ADAMTS2: variants seen among roughly 807,000 people sequenced by gnomAD.
ADAMTS2 encodes A disintegrin and metalloproteinase with thrombospondin motifs 2.
ADAMTS2 carries 50 observed loss-of-function variants against 123.0 expected under a neutral mutation model. The observed-to-expected ratio is 0.41, with a 90% confidence interval of 0.32 to 0.51. The LOEUF is 0.51. ADAMTS2 is among the 20% of genes least tolerant of loss of function. The probability of loss-of-function intolerance (pLI) is 0.35; values close to 1 mark genes in which losing one functional copy is unlikely to be tolerated. For missense variants in ADAMTS2, 1,494 were observed against 1,705.2 expected, an observed-to-expected ratio of 0.88 and a Z score of 2.18; for synonymous variants, 678 against 695.4, an observed-to-expected ratio of 0.98 and a Z score of 0.39.
At chr5:179,127,875 C>G (rs1245253541) in intron 17 of ADAMTS2, 84 bp downstream of exon 17, 2 of 1,583,430 alleles carry the variant, frequency 1.3e-6, no homozygotes, top group Admixed American at 3.3e-5. Flanking sequence ...CCCCTGCTCA[C>G]GCTGGCCCCA....
intron 3 of ADAMTS2, among the ~76,000 whole-genome samples, chr5:179,271,685 G>A (rs1322626666): frequency 1.3e-5 from 2 of 152,222 alleles, no homozygotes; most frequent in African/African-American, 4.8e-5. Context: ...TTGTCACCAA[G>A]GAACAAGGGG....
At position 179,287,630 on chromosome 5, in the gene ADAMTS2, G is replaced by A. The variant is rs151230271; in HGVS notation, c.535-14566C>T. Among the ~76,000 whole-genome samples the A allele has an allele frequency of 8.4e-4, 128 of 152,370 alleles. 1 individual carries two copies. Among genetic ancestry groups the A allele is most frequent in the African/African-American group, 2.8e-3 (118 of 41,594 alleles). ...GGGTATGCAATTCTAGATGTGTGGC[G>A]TGTTTTGAACAGCATCCAATACCCT... On this transcript the variant is annotated intron_variant, in intron 2 of 21. Coordinates refer to ENST00000251582, the MANE Select transcript of ADAMTS2 (RefSeq NM_014244.5).
rs1270183493 is a variant in ADAMTS2, at chr5:179,189,514, T to C, written c.892-8359A>G. Among the ~76,000 whole-genome samples, 7 of 134,962 alleles carry C rather than the reference T, an allele frequency of 5.2e-5. No homozygotes were observed. The highest frequency in any genetic ancestry group is 1.1e-4 in the African/African-American group (4 of 35,818). The allele number at this position is 134,962 out of a possible 152,430, so 88.5% of individuals were successfully genotyped here. A position where few individuals can be genotyped will look rare whatever the true frequency, so the allele number is the denominator to read the frequency against. On this transcript the variant is annotated intron_variant, in intron 4 of 21. Coordinates refer to ENST00000251582, the MANE Select transcript of ADAMTS2 (RefSeq NM_014244.5). The surrounding 1 kb of genome is among the most constrained non-coding windows in gnomAD (Gnocchi z 4.2). ...AGGCGCCCGCCAGTGCGCCTGGTTT[T>C]TTTTTTTTTTTTTTTTTTTTTTTTA...
At chr5:179,137,723 G>C (rs765410304) in intron 12 of ADAMTS2, 46 bp downstream of exon 12, 61 of 1,046,850 alleles carry the variant, frequency 5.8e-5, no homozygotes, top group Non-Finnish European at 7.4e-5. Context: ...GCCCACCCTA[G>C]GGCCTGCCTG....
In ADAMTS2 at chr5:179,128,175, G is replaced by A; in HGVS notation, c.2458-57C>T. On this transcript the variant is annotated intron_variant, in intron 16 of 21. Coordinates refer to ENST00000251582, the MANE Select transcript of ADAMTS2 (RefSeq NM_014244.5). This position sits in a 1 kb window ranked among gnomAD's most constrained non-coding sequence, Gnocchi z 4.9. ...ACCTGCCCTCCATGCTTCCTCCCCA[G>A]CCAGCTTAGGAACGGCAGCTGAGGC... 6.2e-7 allele frequency: 1 copy of A among 1,603,448 alleles called. No homozygotes were observed. Among genetic ancestry groups the A allele is most frequent in the Non-Finnish European group, 8.5e-7 (1 of 1,177,434 alleles).
chr5:179,319,749 C>T (rs762843024), intron 2 of ADAMTS2, among the ~76,000 whole-genome samples: 24 of 151,532 alleles, frequency 1.6e-4, no homozygotes, highest in Non-Finnish European at 2.5e-4. Context: ...AAAGCTGTGA[C>T]CCTCTTTTCA....
rs1190919712 is a variant in ADAMTS2, at chr5:179,317,859, G to A, written c.534+25908C>T. ...GAGGTGGGGCTGGTCCACAGTGAGGGAGGGAGGCAGGTGTAGACTGGGCCA... is the reference window on the plus strand; with the variant it reads ...GAGGTGGGGCTGGTCCACAGTGAGGAAGGGAGGCAGGTGTAGACTGGGCCA... On this transcript the variant is annotated intron_variant, in intron 2 of 21. Transcript: ENST00000251582. The surrounding 1 kb of genome is among the most constrained non-coding windows in gnomAD (Gnocchi z 4.9). Among the ~76,000 whole-genome samples, 1 of 152,210 alleles carries A rather than the reference G, an allele frequency of 6.6e-6. No individual in the cohort carries two copies. The highest frequency in any genetic ancestry group is 2.4e-5 in the African/African-American group (1 of 41,456).
intron 4 of ADAMTS2, among the ~76,000 whole-genome samples, chr5:179,201,455 A>G (rs1210787275): frequency 4.6e-5 from 7 of 152,214 alleles, no homozygotes; most frequent in Non-Finnish European, 4.4e-5. Flanking sequence ...GGGAGAAGAC[A>G]TTCACATACC....
At chr5:179,268,904 A>G (rs35751) in intron 3 of ADAMTS2, among the ~76,000 whole-genome samples, 35,413 of 152,190 alleles carry the variant, frequency 0.23, 4,833 homozygotes, top group African/African-American at 0.38. Context: ...AGCTGGCTGC[A>G]TGGTGCCCCC....
chr5:179,291,006 C>T (rs1756169509), intron 2 of ADAMTS2, among the ~76,000 whole-genome samples: 1 of 152,196 alleles, frequency 6.6e-6, no homozygotes, highest in Admixed American at 6.5e-5. Context: ...GCCACGGATG[C>T]CCCAGGAGCT....
intron 2 of ADAMTS2, among the ~76,000 whole-genome samples, chr5:179,328,475 A>G (rs67515729): frequency 0.21 from 31,306 of 152,262 alleles, 3,595 homozygotes; most frequent in East Asian, 0.48. Context: ...TGTTGCCAGG[A>G]AGGGCGCGCC....
intron 3 of ADAMTS2, among the ~76,000 whole-genome samples, chr5:179,236,641 A>G (rs1432186188): frequency 6.6e-6 from 1 of 152,192 alleles, no homozygotes; most frequent in Non-Finnish European, 1.5e-5. Context: ...CATAAAAAAA[A>G]TTAGCCAAAC....
intron 3 of ADAMTS2, among the ~76,000 whole-genome samples, chr5:179,258,014 C>A (rs1021268527): frequency 6.6e-5 from 10 of 152,188 alleles, no homozygotes; most frequent in African/African-American, 2.4e-4. Context: ...ACCTGCCAGG[C>A]CCCCATCAGT....
rs531953862 is a variant in ADAMTS2, at chr5:179,295,777, T to G, written c.535-22713A>C. 9.9e-5 allele frequency among the ~76,000 whole-genome samples: 15 copies of G among 152,272 alleles called. No individual in the cohort carries two copies. In the East Asian group the frequency reaches 2.9e-3, roughly 29 times the overall value. On this transcript the variant is annotated intron_variant, in intron 2 of 21. Transcript: ENST00000251582. ...AAGTGAGAGTCGGGGTGGGAGGAGC[T>G]GGAGGCTCTGGAAGGGATTCAGGAG... is the stretch of plus-strand genomic sequence containing the variant.
In ADAMTS2 at chr5:179,256,627, G is replaced by A. The variant is rs573603346; in HGVS notation, c.688+16284C>T. On this transcript the variant is annotated intron_variant, in intron 3 of 21. Coordinates refer to ENST00000251582, the MANE Select transcript of ADAMTS2 (RefSeq NM_014244.5). The surrounding 1 kb of genome is among the most constrained non-coding windows in gnomAD (Gnocchi z 4.1). ...ACACTCCACTGCAAACCAGGCAGGC[G>A]GGGCCAGCATGAGTGGGGGGGCCAG... Among the ~76,000 whole-genome samples the A allele has an allele frequency of 3.9e-5, 6 of 152,130 alleles. No individual in the cohort carries two copies. Among genetic ancestry groups the A allele is most frequent in the East Asian group, 3.9e-4 (2 of 5,184 alleles).
chr5:179,275,814 CTG>C (rs1404569818), intron 2 of ADAMTS2, among the ~76,000 whole-genome samples: 1 of 152,216 alleles, frequency 6.6e-6, no homozygotes, highest in Non-Finnish European at 1.5e-5. Context: ...CGAATTCCTG[CTG>C]TTTTAAGTGG....
intron 5 of ADAMTS2, among the ~76,000 whole-genome samples, chr5:179,171,259 C>T (rs1294636133): frequency 6.6e-6 from 1 of 152,078 alleles, no homozygotes; most frequent in Non-Finnish European, 1.5e-5. Flanking sequence ...CTCCCCTGGC[C>T]ACCTGGGGAT....
chr5:179,299,861 G>A (rs1468969354), intron 2 of ADAMTS2, among the ~76,000 whole-genome samples: 3 of 151,818 alleles, frequency 2.0e-5, no homozygotes, highest in Non-Finnish European at 4.4e-5. Context: ...TTGGGAGGCT[G>A]AGGCGGGCGG....
At chr5:179,326,297 C>T (rs1345114933) in intron 2 of ADAMTS2, among the ~76,000 whole-genome samples, 1 of 151,688 alleles carries the variant, frequency 6.6e-6, no homozygotes, top group Admixed American at 6.6e-5. Context: ...GGACCCTTGG[C>T]CTCAGCCATG....
Sources: allele counts gnomAD v4.1 joint callset (sites outside exome capture counted in the v4.1 genomes callset), GRCh38; gene constraint gnomAD v4.1.1; non-coding constraint Gnocchi (gnomAD v3.1); transcripts MANE v1.5; gene names NCBI Gene and HGNC (gene_info 2026-07-23, HGNC 2026-07-21).